Variants in LIN54 observed in about 807,000 individuals in gnomAD.
The protein encoded by LIN54 is lin-54 DREAM MuvB core complex component.
A neutral mutation model predicts 78.7 loss-of-function variants in LIN54; 9 were observed. The ratio of observed to expected loss-of-function variants is 0.11; its 90% CI spans 0.07 to 0.20. LIN54 has a LOEUF of 0.20. LIN54 is among the 10% of genes least tolerant of loss of function. The probability of loss-of-function intolerance (pLI) is 1.00; values close to 1 mark genes in which losing one functional copy is unlikely to be tolerated. For missense variants in LIN54, 573 were observed against 889.9 expected (o/e 0.64, Z 4.53); for synonymous variants, 269 against 318.4 (o/e 0.84, Z 1.65).
intron 4 of LIN54, among the ~76,000 whole-genome samples, chr4:82,953,203 G>A (rs1723987590): frequency 6.6e-6 from 1 of 152,098 alleles, no homozygotes; most frequent in Non-Finnish European, 1.5e-5. Context: ...TGCCCAGGCT[G>A]ATCTTGAACT....
intron 3 of LIN54, among the ~76,000 whole-genome samples, chr4:82,971,510 ATTTTTAAATTT>A (rs1725653691): frequency 6.6e-6 from 1 of 151,368 alleles, no homozygotes; most frequent in African/African-American, 2.4e-5. Context: ...TAGATAATCA[ATTTTTAAATTT>A]TTTTTAAATT....
chr4:82,946,492 A>G lies in LIN54; in HGVS notation c.952-18T>C. 1.3e-6 allele frequency: 2 copies of G among 1,556,444 alleles called. No homozygotes were observed. Among genetic ancestry groups the G allele is most frequent in the Non-Finnish European group, 1.8e-6 (2 of 1,127,740 alleles). On this transcript the variant is annotated intron_variant, in intron 4 of 12. Transcript: ENST00000340417. ...TTCACTGCCTATTAAACAATACAAC[A>G]TGGCTGTCATTAATCTGGGATGTAA...
At chr4:82,972,587 TAAG>T (rs1343501075) in intron 3 of LIN54, among the ~76,000 whole-genome samples, 1 of 152,166 alleles carries the variant, frequency 6.6e-6, no homozygotes, top group Non-Finnish European at 1.5e-5. Flanking sequence ...ACCATTCTGT[TAAG>T]AAAAGAAATT....
intron 4 of LIN54, among the ~76,000 whole-genome samples, chr4:82,947,235 A>ATATATATATATATTTTTTTTTT: frequency 2.3e-5 from 1 of 44,290 alleles, no homozygotes; most frequent in African/African-American, 1.0e-4. Context: ...ATATATATAT[A>ATATATATATATATTTTTTTTTT]TTTTTTTTTT....
At chr4:82,932,548 G>A (rs998340509) in intron 11 of LIN54, among the ~76,000 whole-genome samples, 15 of 151,146 alleles carry the variant, frequency 9.9e-5, no homozygotes, top group Admixed American at 9.9e-4. Flanking sequence ...GCCAGGCGCG[G>A]TGGCTCACGC....
chr4:82,940,763 T>C lies in LIN54; in HGVS notation c.1169-801A>G, dbSNP rs564899203. Among the ~76,000 whole-genome samples, 6 of 152,348 alleles carry C rather than the reference T, an allele frequency of 3.9e-5. No individual in the cohort carries two copies. In the South Asian group the frequency reaches 1.2e-3, roughly 32 times the overall value. On this transcript the variant is annotated intron_variant, in intron 5 of 12. Coordinates refer to ENST00000340417, the MANE Select transcript of LIN54 (RefSeq NM_194282.4). ...CAGCACAGCAAAAAGGATAAGAACA[T>C]GGACTCTAAAGTCATAAGACCCAGG...
At chr4:83,005,187 C>T (rs1277851351) in intron 1 of LIN54, among the ~76,000 whole-genome samples, 1 of 152,176 alleles carries the variant, frequency 6.6e-6, no homozygotes, top group Non-Finnish European at 1.5e-5. Flanking sequence ...TGAGCCACCG[C>T]ACCTGGCCTA....
chr4:83,010,952 G>C, upstream of LIN54: 1 of 734,114 alleles, frequency 1.4e-6, no homozygotes, highest in Non-Finnish European at 1.8e-6. Flanking sequence ...GTGCACACGG[G>C]CTACGCCGAG....
intron 5 of LIN54, among the ~76,000 whole-genome samples, chr4:82,945,619 A>G (rs773879649): frequency 4.2e-4 from 64 of 152,004 alleles, no homozygotes; most frequent in Non-Finnish European, 8.1e-4. Flanking sequence ...TCAGCCTCCC[A>G]AGTAGCTGGG....
rs767284189 is a variant in LIN54, at chr4:82,925,509, TAAAAG to T, written c.*2588_*2592del. On this transcript the variant is annotated 3_prime_UTR_variant, in exon 13 of 13. Transcript: ENST00000340417. ...CCATGCCCGGCTGAGTTTCTGCTCT[TAAAAG>T]AAACAGTGGGGAAAAAAAGAGAAGA... 23 of 146,656 alleles carry T rather than the reference TAAAAG, an allele frequency of 1.6e-4. No homozygotes were observed. The highest frequency in any genetic ancestry group is 5.9e-4 in the African/African-American group (22 of 37,324). 9.1% of individuals were successfully genotyped at this position (146,656 alleles called of 1,614,324 possible). A position where few individuals can be genotyped will look rare whatever the true frequency, so the allele number is the denominator to read the frequency against.
At chr4:82,972,948 T>TTAAAAAAAAAAAAA (rs1553953865) in intron 3 of LIN54, among the ~76,000 whole-genome samples, 1 of 59,412 alleles carries the variant, frequency 1.7e-5, no homozygotes, top group Non-Finnish European at 3.6e-5. Context: ...AGAATCCCTC[T>TTAAAAAAAAAAAAA]AAAAAAAAAA....
At chr4:82,929,796 ACT>A (rs1721799987) in intron 12 of LIN54, among the ~76,000 whole-genome samples, 1 of 152,094 alleles carries the variant, frequency 6.6e-6, no homozygotes, top group South Asian at 2.1e-4. Flanking sequence ...ACAGAGTGAG[ACT>A]CTATCTCAAA....
intron 1 of LIN54, among the ~76,000 whole-genome samples, chr4:83,005,296 AT>A (rs79214783): frequency 6.6e-6 from 1 of 151,602 alleles, no homozygotes; most frequent in Non-Finnish European, 1.5e-5. Context: ...GAGATTCACA[AT>A]TTTTTTTTCC....
intron 4 of LIN54, among the ~76,000 whole-genome samples, chr4:82,960,592 C>A (rs923817496): frequency 1.3e-5 from 2 of 152,078 alleles, no homozygotes; most frequent in Non-Finnish European, 2.9e-5. Flanking sequence ...CACCACCACA[C>A]CTGGCTAAGT....
At chr4:83,005,487 G>A (rs941338582) in intron 1 of LIN54, among the ~76,000 whole-genome samples, 1 of 151,902 alleles carries the variant, frequency 6.6e-6, no homozygotes, top group African/African-American at 2.4e-5. Flanking sequence ...AAATTATCTG[G>A]GCATGGTGGA....
intron 1 of LIN54, among the ~76,000 whole-genome samples, chr4:82,999,777 CAAA>C (rs1295987591): frequency 3.3e-5 from 3 of 92,248 alleles, no homozygotes; most frequent in Admixed American, 1.4e-4. Context: ...GACTCTGTCT[CAAA>C]AAAAAAAAAA....
chr4:82,942,883 CACACACACA>C (rs1723045078), intron 5 of LIN54, among the ~76,000 whole-genome samples: 1 of 151,818 alleles, frequency 6.6e-6, no homozygotes, highest in African/African-American at 2.4e-5. Context: ...CACACACACA[CACACACACA>C]CCCTCCCTCC....
At chr4:82,996,927 T>C (rs971229546) in intron 1 of LIN54, among the ~76,000 whole-genome samples, 5 of 152,036 alleles carry the variant, frequency 3.3e-5, no homozygotes, top group African/African-American at 1.2e-4. Flanking sequence ...TCATCTCCAC[T>C]GGCCCAGGTA....
In LIN54 at chr4:82,984,618, A is replaced by G. The variant is rs2126087103; in HGVS notation, c.227T>C (p.Val76Ala). Reference protein sequence around the residue: ...ITVYSNHTNQVAVNTTITKAD... With the variant: ...ITVYSNHTNQAAVNTTITKAD... ...TTTAGTAATTGTGGTATTCACTGCAACTTGGTTAGTGTGGTTACTGTACAC... is the reference window on the plus strand; with the variant it reads ...TTTAGTAATTGTGGTATTCACTGCAGCTTGGTTAGTGTGGTTACTGTACAC... The change falls in exon 2 of 13, where the codon GTT becomes GCT. Residue 76 changes from valine to alanine, a missense_variant. Val to Ala is a moderately conservative substitution (Grantham distance 64). This residue lies in a region of LIN54 where 183 missense variants were observed against 228.4 expected (regional missense o/e 0.80). Transcript: ENST00000340417. The G allele has an allele frequency of 6.2e-7, 1 of 1,614,196 alleles. No individual in the cohort carries two copies. Among genetic ancestry groups the G allele is most frequent in the Admixed American group, 1.7e-5 (1 of 60,014 alleles).
Sources: gnomAD v4.1 joint callset for allele counts (sites outside exome capture counted in the v4.1 genomes callset) on GRCh38, gnomAD v4.1.1 for gene constraint, gnomAD v4.1.1 regional missense constraint, MANE v1.5 for transcripts, NCBI Gene and HGNC (gene_info 2026-07-23, HGNC 2026-07-21) for gene names.